ANKRD17: variants seen among roughly 807,000 people sequenced by gnomAD.
ANKRD17 encodes ankyrin repeat domain 17.
In ANKRD17, 19 loss-of-function variants were observed where a neutral mutation model predicts 229.7. The ratio of observed to expected loss-of-function variants is 0.08; its 90% CI spans 0.06 to 0.12. ANKRD17 has a LOEUF of 0.12. Ranked by LOEUF, ANKRD17 falls within the 10% of genes least tolerant of loss-of-function variation. The pLI, the probability that ANKRD17 is intolerant of heterozygous loss-of-function variation, is 1.00. For missense variants in ANKRD17, 2,176 were observed against 3,176.8 expected, an observed-to-expected ratio of 0.68 and a Z score of 7.57; for synonymous variants, 1,112 against 1,146.1, an observed-to-expected ratio of 0.97 and a Z score of 0.60.
At chr4:73,204,204 A>T (rs529159977) in intron 1 of ANKRD17, among the ~76,000 whole-genome samples, 1 of 151,764 alleles carries the variant, frequency 6.6e-6, no homozygotes, top group South Asian at 2.1e-4. Flanking sequence ...AAAAATACAA[A>T]AACAAAATTA....
intron 14 of ANKRD17, 85 bp from the exon 15 acceptor site, chr4:73,140,368 G>A: frequency 1.5e-6 from 2 of 1,375,480 alleles, no homozygotes; most frequent in Non-Finnish European, 9.7e-7. Context: ...AGTGCCAACA[G>A]TTATGCACTA....
intron 1 of ANKRD17, among the ~76,000 whole-genome samples, chr4:73,189,405 T>TTTTG (rs1736736161): frequency 7.2e-6 from 1 of 139,114 alleles, no homozygotes; most frequent in African/African-American, 2.7e-5. Flanking sequence ...CCTGGAATGT[T>TTTTG]TTTTTTTTTT....
intron 10 of ANKRD17, 50 bp from the exon 11 acceptor site, chr4:73,144,882 G>T: frequency 7.7e-7 from 1 of 1,305,994 alleles, no homozygotes. Context: ...CAGTGAACAA[G>T]TATTCTTTTT....
At chr4:73,080,513 TAC>T (rs1338665697) in intron 30 of ANKRD17, among the ~76,000 whole-genome samples, 1 of 152,202 alleles carries the variant, frequency 6.6e-6, no homozygotes, top group Non-Finnish European at 1.5e-5. Context: ...CTACAAGGAA[TAC>T]ACAGACATGT....
intron 1 of ANKRD17, among the ~76,000 whole-genome samples, chr4:73,212,140 G>A (rs1740359575): frequency 6.6e-6 from 1 of 152,060 alleles, no homozygotes; most frequent in African/African-American, 2.4e-5. Context: ...GTTGGGCAGA[G>A]GGAAAGAGGG....
At chr4:73,188,920 A>C (rs1266618654) in intron 1 of ANKRD17, among the ~76,000 whole-genome samples, 1 of 152,202 alleles carries the variant, frequency 6.6e-6, no homozygotes, top group Non-Finnish European at 1.5e-5. Flanking sequence ...AAAAGTCTTA[A>C]ACAAAATGGA....
chr4:73,241,034 C>T (rs928791483), intron 1 of ANKRD17, among the ~76,000 whole-genome samples: 13 of 152,040 alleles, frequency 8.6e-5, no homozygotes, highest in African/African-American at 2.4e-4. Flanking sequence ...TGGTCTTGAA[C>T]TCCTGAGCTC....
chr4:73,125,124 AAT>A, intron 17 of ANKRD17, 66 bp from the exon 18 acceptor site: 1 of 1,597,718 alleles, frequency 6.3e-7, no homozygotes, highest in Non-Finnish European at 8.5e-7. Context: ...TGACCTTCAA[AAT>A]AGGACTAAAA....
intron 21 of ANKRD17, 32 bp from the exon 22 acceptor site, chr4:73,118,882 T>TA: frequency 1.5e-6 from 1 of 658,608 alleles, no homozygotes; most frequent in Non-Finnish European, 2.0e-6. Flanking sequence ...AGCATTGTCT[T>TA]TTTTTTTTTT....
intron 25 of ANKRD17, chr4:73,101,019 T>C: frequency 1.0e-6 from 1 of 961,660 alleles, no homozygotes. Context: ...TAACAACTAT[T>C]TACATAGCAT....
At chr4:73,141,901 G>A in intron 13 of ANKRD17, 58 bp from the exon 14 acceptor site, 2 of 1,256,926 alleles carry the variant, frequency 1.6e-6, no homozygotes, top group Non-Finnish European at 2.2e-6. Context: ...TAAGTAATAT[G>A]CTCTAAATAA....
chr4:73,225,422 G>A (rs1742362646), intron 1 of ANKRD17, among the ~76,000 whole-genome samples: 1 of 152,052 alleles, frequency 6.6e-6, no homozygotes, highest in Admixed American at 6.6e-5. Flanking sequence ...TAGGATTATG[G>A]GGTGCTTCTG....
chr4:73,139,481 C>T (rs758673772), intron 15 of ANKRD17, 50 bp downstream of exon 15: 41 of 1,534,950 alleles, frequency 2.7e-5, no homozygotes, highest in Non-Finnish European at 3.2e-5. Flanking sequence ...CATTCTTACT[C>T]GCCTTAAGCA....
At chr4:73,090,181 G>A (rs536680838) in intron 29 of ANKRD17, among the ~76,000 whole-genome samples, 2 of 152,244 alleles carry the variant, frequency 1.3e-5, no homozygotes, top group East Asian at 1.9e-4. Flanking sequence ...AGGCCAAGGT[G>A]GGTGAATCAC....
intron 1 of ANKRD17, among the ~76,000 whole-genome samples, chr4:73,219,013 A>AT (rs1560746672): frequency 6.6e-6 from 1 of 151,640 alleles, no homozygotes; most frequent in African/African-American, 2.4e-5. Context: ...GTGAGCTGAG[A>AT]TAAGAGTCAC....
intron 5 of ANKRD17, 134 bp downstream of exon 5, chr4:73,155,497 C>T: frequency 1.1e-6 from 1 of 949,658 alleles, no homozygotes; most frequent in Non-Finnish European, 1.6e-6. Flanking sequence ...AAAACTCATA[C>T]ACAGATGTGT....
chr4:73,213,020 C>T (rs1261672604), intron 1 of ANKRD17, among the ~76,000 whole-genome samples: 83 of 116,538 alleles, frequency 7.1e-4, no homozygotes, highest in African/African-American at 2.6e-3. Flanking sequence ...AAGCAAGACT[C>T]CGTTTCAGGG....
At chr4:73,184,885 G>A (rs1010764753) in intron 1 of ANKRD17, among the ~76,000 whole-genome samples, 7 of 152,146 alleles carry the variant, frequency 4.6e-5, no homozygotes, top group Admixed American at 6.5e-5. Flanking sequence ...ACTGTGCTGC[G>A]TTCAGAATTT....
chr4:73,106,234 A>T (rs1724596547), intron 24 of ANKRD17, among the ~76,000 whole-genome samples: 2 of 151,738 alleles, frequency 1.3e-5, no homozygotes, highest in African/African-American at 4.8e-5. Context: ...ACAGAGCAAG[A>T]CTCCGTCTCA....
Sources: allele counts gnomAD v4.1 joint callset (sites outside exome capture counted in the v4.1 genomes callset), GRCh38; gene constraint gnomAD v4.1.1; transcripts MANE v1.5; gene names NCBI Gene and HGNC (gene_info 2026-07-23, HGNC 2026-07-21).